Variants in MED25 observed in about 807,000 individuals in gnomAD.
MED25 encodes mediator complex subunit 25, also known as mediator of RNA polymerase II transcription subunit 25.
MED25 carries 62 observed loss-of-function variants against 89.4 expected under a neutral mutation model. The observed-to-expected ratio is 0.69, with a 90% CI of 0.57 to 0.86. The LOEUF is 0.86. MED25 is among the 40% of genes least tolerant of loss of function. MED25 has a pLI of 0.00. For synonymous variants in MED25, 449 were observed against 427.9 expected (o/e 1.05, Z -0.61); for missense variants, 905 against 1,005.2 (o/e 0.90, Z 1.35).
intron 3 of MED25, among the ~76,000 whole-genome samples, chr19:49,827,266 C>T (rs2074021857): frequency 6.6e-6 from 1 of 152,166 alleles, no homozygotes; most frequent in Non-Finnish European, 1.5e-5. Flanking sequence ...CCATGTGGGA[C>T]GGATGCTGCG....
At chr19:49,824,584 C>CG (rs34842037) in intron 3 of MED25, among the ~76,000 whole-genome samples, 3,150 of 130,264 alleles carry the variant, frequency 0.024, 69 homozygotes, top group Non-Finnish European at 0.037. Context: ...GACCCTGTCT[C>CG]GGGAAAAAAA....
At position 49,836,143 on chromosome 19, in the gene MED25, G is replaced by T; in HGVS notation, c.1966-83G>T. The T allele has an allele frequency of 1.3e-6, 2 of 1,543,444 alleles. No homozygotes were observed. Among genetic ancestry groups the T allele is most frequent in the Non-Finnish European group, 1.8e-6 (2 of 1,125,708 alleles). On this transcript the variant is annotated intron_variant, in intron 16 of 17. Transcript: ENST00000312865. This position sits in a 1 kb window ranked among gnomAD's most constrained non-coding sequence, Gnocchi z 5.1. The stretch of plus-strand genomic sequence containing the variant: ...GAAAAACTTCCCCTCACCACTAGCT[G>T]ATTCCATCTCTGAGCAGTGTCTGTG...
chr19:49,828,593 G>A (rs1273629868), intron 4 of MED25, 46 bp downstream of exon 4: 2 of 1,470,094 alleles, frequency 1.4e-6, no homozygotes, highest in Non-Finnish European at 1.9e-6. Context: ...TCTCTGCCTG[G>A]CCTGGAACCA....
At position 49,836,304 on chromosome 19, in the gene MED25, C is replaced by T; in HGVS notation, c.2044C>T (p.Pro682Ser). Residue 682 changes from proline (P) to serine (S), a missense_variant, in exon 17 of 18, where the codon CCG becomes TCG. Coordinates refer to ENST00000312865, the MANE Select transcript of MED25 (RefSeq NM_030973.4). The surrounding 1 kb of genome is among the most constrained non-coding windows in gnomAD (Gnocchi z 5.1). ...PPGAPALLPP[P>S]HQGLGQPQLG... ...AGGGGCTCCTGCGCTGCTGCCTCCG[C>T]CGCACCAGGGCCTGGGGCAGCCCCA... 1.9e-6 allele frequency: 3 copies of T among 1,611,700 alleles called. No individual in the cohort carries two copies. The highest frequency in any genetic ancestry group is 2.5e-6 in the Non-Finnish European group (3 of 1,179,428).
Position 49,819,581 on chromosome 19 carries a change from C to G in MED25, c.305+285C>G, listed in dbSNP as rs563476099. 8.1e-5 allele frequency: 34 copies of G among 421,478 alleles called. No homozygotes were observed. The Admixed American group carries it at 1.1e-3, about 14-fold the overall frequency. 26.1% of individuals were successfully genotyped at this position (421,478 alleles called of 1,614,324 possible). ...GTGATTGTGTTTTTGTCAGAAGTCA[C>G]TTTTGTGGTGGCTTCTGTGTGCTCA... On this transcript the variant is annotated intron_variant, in intron 3 of 17. Transcript: ENST00000312865.
chr19:49,830,749 C>T lies in MED25; in HGVS notation c.963C>T (p.Ser321=). The change falls in exon 9 of 18, where the codon AGC becomes AGT. Residue 321 remains serine, a synonymous_variant. Coordinates refer to ENST00000312865, the MANE Select transcript of MED25 (RefSeq NM_030973.4). This position sits in a 1 kb window ranked among gnomAD's most constrained non-coding sequence, Gnocchi z 4.6. ...CTCCCGGAGTGGGTCCCCCCTTCAG[C>T]CAGGCCCCAGCTCCCCAACTACCCC... ...QAAPGVGPPF[S]QAPAPQLPPG... 1 of 1,613,632 alleles carries T rather than the reference C, an allele frequency of 6.2e-7. No homozygotes were observed. The highest frequency in any genetic ancestry group is 2.2e-5 in the East Asian group (1 of 44,870).
At chr19:49,833,676 C>G (rs2074075648) in intron 13 of MED25, 1 of 152,240 alleles carries the variant, frequency 6.6e-6, no homozygotes, top group Non-Finnish European at 1.5e-5. Context: ...GCTCAGTGGG[C>G]CATCTCGCTT....
rs992676211 is a variant in MED25, at chr19:49,831,398, C to T, written c.1167C>T (p.Leu389=). ...PSPAQLGAPA[L]GGQQSVSNKL... Reference sequence around the variant, plus strand: ...CAGCCCAGCTGGGAGCCCCAGCCCTCGGTGGGCAGCAGTCAGTCTCCAATA... The same window carrying T: ...CAGCCCAGCTGGGAGCCCCAGCCCTTGGTGGGCAGCAGTCAGTCTCCAATA... The change falls in exon 10 of 18, where the codon CTC becomes CTT. Residue 389 remains leucine (L), a synonymous_variant. Coordinates refer to ENST00000312865, the MANE Select transcript of MED25 (RefSeq NM_030973.4). This position sits in a 1 kb window ranked among gnomAD's most constrained non-coding sequence, Gnocchi z 5.0. 5.6e-6 allele frequency: 9 copies of T among 1,611,034 alleles called. No homozygotes were observed. Among genetic ancestry groups the T allele is most frequent in the Middle Eastern group, 1.7e-4 (1 of 6,060 alleles).
rs1034116832 is a variant in MED25, at chr19:49,830,800, A to G, written c.1014A>G (p.Pro338=). 6.8e-6 allele frequency: 11 copies of G among 1,612,238 alleles called. No homozygotes were observed. Among genetic ancestry groups the G allele is most frequent in the East Asian group, 4.5e-5 (2 of 44,820 alleles). ...CAGGACCCCCTGGCGCCCCCAAGCCACCACCTGCTTCCCAGCCCAGTCTGG... is the reference window on the plus strand; with the variant it reads ...CAGGACCCCCTGGCGCCCCCAAGCCGCCACCTGCTTCCCAGCCCAGTCTGG... The part of the protein sequence containing the change: ...LPPGPPGAPK[P]PPASQPSLVS... Residue 338 remains proline (P), a synonymous_variant, in exon 9 of 18, where the codon CCA becomes CCG. Transcript: ENST00000312865. This position sits in a 1 kb window ranked among gnomAD's most constrained non-coding sequence, Gnocchi z 4.6.
downstream of MED25, chr19:49,838,460 C>G (rs2122122676): frequency 2.4e-6 from 1 of 411,958 alleles, no homozygotes. Flanking sequence ...ACCACTCCCT[C>G]TTGGCTTCCC....
intron 3 of MED25, among the ~76,000 whole-genome samples, chr19:49,822,757 C>T (rs767909277): frequency 1.3e-5 from 2 of 150,530 alleles, no homozygotes. Context: ...ACGCCATTCT[C>T]CTGCCTCAGC....
At chr19:49,824,740 A>G (rs2074004907) in intron 3 of MED25, among the ~76,000 whole-genome samples, 1 of 152,216 alleles carries the variant, frequency 6.6e-6, no homozygotes, top group Non-Finnish European at 1.5e-5. Flanking sequence ...GTTAGTGGGC[A>G]TGAGATAGGC....
In MED25 at chr19:49,831,249, C is replaced by T; in HGVS notation, c.1102-84C>T. 2 of 1,442,136 alleles carry T rather than the reference C, an allele frequency of 1.4e-6. No individual in the cohort carries two copies. Among genetic ancestry groups the T allele is most frequent in the African/African-American group, 1.4e-5 (1 of 71,306 alleles). The allele number at this position is 1,442,136 out of a possible 1,614,324, so 89.3% of individuals were successfully genotyped here. On this transcript the variant is annotated intron_variant, in intron 9 of 17. Coordinates refer to ENST00000312865, the MANE Select transcript of MED25 (RefSeq NM_030973.4). This position sits in a 1 kb window ranked among gnomAD's most constrained non-coding sequence, Gnocchi z 5.0. ...GGGGCAGAAGAAGGGATCTTTCCTC[C>T]TTCCTGGTTTGCCCTCACAGGATGG...
rs771145106 is a variant in MED25 at position 49,830,817 on chromosome 19, C to A, written c.1031C>A (p.Pro344His). ...CCCAAGCCACCACCTGCTTCCCAGC[C>A]CAGTCTGGTCTCCACTGTGGCCCCT... ...GAPKPPPASQPSLVSTVAPGS... is the reference protein window; with the variant it reads ...GAPKPPPASQHSLVSTVAPGS... The change falls in exon 9 of 18, where the codon CCC (proline) becomes CAC (histidine). Residue 344 changes from proline (P) to histidine (H), a missense_variant. Pro to His is a moderately conservative substitution (Grantham distance 77). Coordinates refer to ENST00000312865, the MANE Select transcript of MED25 (RefSeq NM_030973.4). This position sits in a 1 kb window ranked among gnomAD's most constrained non-coding sequence, Gnocchi z 4.6. The A allele has an allele frequency of 6.2e-7, 1 of 1,613,376 alleles. No individual in the cohort carries two copies. Among genetic ancestry groups the A allele is most frequent in the Non-Finnish European group, 8.5e-7 (1 of 1,179,884 alleles).
At chr19:49,823,885 C>T (rs1045176288) in intron 3 of MED25, among the ~76,000 whole-genome samples, 11 of 152,134 alleles carry the variant, frequency 7.2e-5, no homozygotes, top group Non-Finnish European at 1.6e-4. Flanking sequence ...CATCCTTGGC[C>T]TCTACTCACT....
Position 49,835,990 on chromosome 19 carries a change from T to C in MED25, c.1965+45T>C, listed in dbSNP as rs2074095118. On this transcript the variant is annotated intron_variant, in intron 16 of 17. Transcript: ENST00000312865. The surrounding 1 kb of genome is among the most constrained non-coding windows in gnomAD (Gnocchi z 6.2). ...TAGCGAGAGTTCCAGATCCTGGCCCTGGTGGTTCTGGTCCTGTTGTCTGGG... is the reference window on the plus strand; with the variant it reads ...TAGCGAGAGTTCCAGATCCTGGCCCCGGTGGTTCTGGTCCTGTTGTCTGGG... 1 of 1,603,476 alleles carries C rather than the reference T, an allele frequency of 6.2e-7. No homozygotes were observed. Among genetic ancestry groups the C allele is most frequent in the African/African-American group, 1.3e-5 (1 of 74,494 alleles).
intron 3 of MED25, among the ~76,000 whole-genome samples, chr19:49,824,879 G>C (rs910248727): frequency 6.6e-6 from 1 of 152,140 alleles, no homozygotes; most frequent in Admixed American, 6.5e-5. Context: ...CCTGTTAGCC[G>C]ATGAAAGCGG....
Position 49,835,585 on chromosome 19 carries a change from G to A in MED25, c.1726G>A (p.Ala576Thr). 6.4e-7 allele frequency: 1 copy of A among 1,565,656 alleles called. No homozygotes were observed. Among genetic ancestry groups the A allele is most frequent in the Non-Finnish European group, 8.7e-7 (1 of 1,155,580 alleles). ...PGLGPILEDQ[A>T]RPSQNLLQLR... ...GCTGGGGCCCATTCTGGAGGACCAA[G>A]CCAGGCCCTCACAGAATCTGGTGAG... Residue 576 changes from alanine to threonine, a missense_variant, in exon 15 of 18, where the codon GCC becomes ACC. Coordinates refer to ENST00000312865, the MANE Select transcript of MED25 (RefSeq NM_030973.4). The surrounding 1 kb of genome is among the most constrained non-coding windows in gnomAD (Gnocchi z 6.2).
chr19:49,830,654 C>A lies in MED25; in HGVS notation c.908-40C>A, dbSNP rs763896570. Reference sequence around the variant, plus strand: ...CAGGGGCCAGGCAGGCCTCTCTCCACACACTTGTTCCCCACTTCTTCCCTT... The same window carrying A: ...CAGGGGCCAGGCAGGCCTCTCTCCAAACACTTGTTCCCCACTTCTTCCCTT... On this transcript the variant is annotated intron_variant, in intron 8 of 17. Transcript: ENST00000312865. This position sits in a 1 kb window ranked among gnomAD's most constrained non-coding sequence, Gnocchi z 4.6. The A allele has an allele frequency of 1.9e-6, 3 of 1,612,578 alleles. No homozygotes were observed. Among genetic ancestry groups the A allele is most frequent in the Non-Finnish European group, 1.7e-6 (2 of 1,178,570 alleles).
Sources: gnomAD v4.1 joint callset for allele counts (sites outside exome capture counted in the v4.1 genomes callset) on GRCh38, gnomAD v4.1.1 for gene constraint, Gnocchi (gnomAD v3.1) non-coding constraint, MANE v1.5 for transcripts, NCBI Gene and HGNC (gene_info 2026-07-23, HGNC 2026-07-21) for gene names.